UNC5D: variants seen among roughly 807,000 people sequenced by gnomAD.
UNC5D encodes the protein unc-5 netrin receptor D.
A neutral mutation model predicts 105.4 loss-of-function variants in UNC5D; 39 were observed. That is an observed-to-expected ratio of 0.37 (90% CI 0.29 to 0.48). The LOEUF (loss-of-function observed/expected upper bound fraction) is 0.48, where lower values mean the gene tolerates loss of function less well. UNC5D is among the 20% of genes least tolerant of loss of function. The pLI is 0.98. For missense variants in UNC5D, 991 were observed against 1,202.4 expected, an observed-to-expected ratio of 0.82 and a Z score of 2.60; for synonymous variants, 452 against 450.4, an observed-to-expected ratio of 1.00 and a Z score of -0.04.
chr8:35,393,704 A>C (rs1448101197), intron 1 of UNC5D, among the ~76,000 whole-genome samples: 1 of 152,154 alleles, frequency 6.6e-6, no homozygotes, highest in Non-Finnish European at 1.5e-5. Flanking sequence ...GTCCTACTTT[A>C]GGTATTGAAA....
intron 1 of UNC5D, among the ~76,000 whole-genome samples, chr8:35,425,154 G>A (rs1290337608): frequency 6.6e-6 from 1 of 152,128 alleles, no homozygotes; most frequent in African/African-American, 2.4e-5. Flanking sequence ...CCTGCACGTT[G>A]TGCACATGTA....
chr8:35,757,631 T>C (rs1830574122), intron 13 of UNC5D, among the ~76,000 whole-genome samples: 2 of 152,172 alleles, frequency 1.3e-5, no homozygotes, highest in South Asian at 4.1e-4. Flanking sequence ...TTCACAACAT[T>C]GTAAGTTTCC....
intron 1 of UNC5D, among the ~76,000 whole-genome samples, chr8:35,387,019 C>T (rs1803446242): frequency 6.6e-6 from 1 of 151,652 alleles, no homozygotes; most frequent in Admixed American, 6.6e-5. Context: ...AGGAATTCCC[C>T]CCCTGCTGTA....
intron 4 of UNC5D, among the ~76,000 whole-genome samples, chr8:35,633,605 A>G (rs1822181723): frequency 6.6e-6 from 1 of 152,118 alleles, no homozygotes; most frequent in Non-Finnish European, 1.5e-5. Flanking sequence ...TTTTTTTTAA[A>G]TTAGCAAGAC....
chr8:35,712,134 G>A (rs951863524), intron 8 of UNC5D, among the ~76,000 whole-genome samples: 4 of 152,110 alleles, frequency 2.6e-5, no homozygotes, highest in African/African-American at 9.7e-5. Context: ...AGCCAGGTGT[G>A]GTGGCAAGTG....
Position 35,235,832 on chromosome 8 carries a change from C to T in UNC5D, c.48C>T (p.Arg16=). Reference sequence around the variant, plus strand: ...CAGGCGGCGGCGGAGGGGCGCGCCGCTGGCTCCCGTGGCTGGGGCTGTGCT... The same window carrying T: ...CAGGCGGCGGCGGAGGGGCGCGCCGTTGGCTCCCGTGGCTGGGGCTGTGCT... ...ATAGGGGGAR[R]WLPWLGLCFW... is the part of the protein sequence containing the mutation. Residue 16 remains arginine (R), a synonymous_variant, in exon 1 of 17, where the codon CGC becomes CGT. Transcript: ENST00000404895. The T allele has an allele frequency of 8.1e-7, 1 of 1,230,442 alleles. No homozygotes were observed. The highest frequency in any genetic ancestry group is 1.0e-6 in the Non-Finnish European group (1 of 986,792). 76.2% of individuals were successfully genotyped at this position (1,230,442 alleles called of 1,614,324 possible).
chr8:35,773,500 AACAT>A (rs2131736608), intron 15 of UNC5D, among the ~76,000 whole-genome samples: 1 of 152,316 alleles, frequency 6.6e-6, no homozygotes, highest in South Asian at 2.1e-4. Context: ...AAAGGTAATC[AACAT>A]ACAATTATAC....
intron 4 of UNC5D, among the ~76,000 whole-genome samples, chr8:35,599,163 A>AAAT: frequency 6.6e-6 from 1 of 150,916 alleles, no homozygotes; most frequent in South Asian, 2.1e-4. Context: ...AAAAAAAAAA[A>AAAT]AAAAAAGCTG....
intron 1 of UNC5D, among the ~76,000 whole-genome samples, chr8:35,378,558 T>C (rs1401020056): frequency 6.6e-6 from 1 of 152,212 alleles, no homozygotes; most frequent in African/African-American, 2.4e-5. Context: ...TGATGTCTCC[T>C]GCCAGAGGTG....
intron 8 of UNC5D, among the ~76,000 whole-genome samples, chr8:35,718,906 C>A: frequency 6.6e-6 from 1 of 152,058 alleles, no homozygotes; most frequent in Non-Finnish European, 1.5e-5. Flanking sequence ...ATATCAATTA[C>A]AATTGCACTT....
At chr8:35,759,278 A>G (rs1830651735) in intron 13 of UNC5D, 42 bp from the exon 14 acceptor site, 2 of 1,605,528 alleles carry the variant, frequency 1.2e-6, no homozygotes, top group Admixed American at 3.4e-5. Context: ...AAGTAGCAGG[A>G]TATTTCATTA....
At chr8:35,547,285 CTTTTT>C (rs11363785) in intron 1 of UNC5D, among the ~76,000 whole-genome samples, 7 of 128,022 alleles carry the variant, frequency 5.5e-5, no homozygotes, top group Admixed American at 1.6e-4. Context: ...GAACATTACT[CTTTTT>C]TTTTTTTTTT....
Position 35,461,242 on chromosome 8 carries a change from T to C in UNC5D, c.104-88050T>C, listed in dbSNP as rs534200247. Among the ~76,000 whole-genome samples, 10 of 152,300 alleles carry C rather than the reference T, an allele frequency of 6.6e-5. No individual in the cohort carries two copies. In the South Asian group the frequency reaches 1.9e-3, roughly 28 times the overall value. ...GGGAACGGACATTTGATGAAGTTTA[T>C]TTGTTGAAAAGTTCATATCCATTGT... On this transcript the variant is annotated intron_variant, in intron 1 of 16. Transcript: ENST00000404895.
chr8:35,641,854 A>G lies in UNC5D; in HGVS notation c.571-41693A>G, dbSNP rs78996175. Among the ~76,000 whole-genome samples, 965 of 152,248 alleles carry G rather than the reference A, an allele frequency of 6.3e-3. 9 individuals are homozygous for G. Among genetic ancestry groups the G allele is most frequent in the African/African-American group, 0.021 (865 of 41,572 alleles). On this transcript the variant is annotated intron_variant, in intron 4 of 16. Coordinates refer to ENST00000404895, the MANE Select transcript of UNC5D (RefSeq NM_080872.4). ...TTGCAAGTGCTGTCTTAAGATTGTTATAATCCTAAATAAAAAGGGCTGGCA... is the reference window on the plus strand; with the variant it reads ...TTGCAAGTGCTGTCTTAAGATTGTTGTAATCCTAAATAAAAAGGGCTGGCA...
At chr8:35,242,212 T>G (rs1802846781) in intron 1 of UNC5D, among the ~76,000 whole-genome samples, 4 of 152,022 alleles carry the variant, frequency 2.6e-5, no homozygotes, top group Admixed American at 2.6e-4. Context: ...TGTAACCACG[T>G]GGGATTTGAA....
At chr8:35,329,618 A>G (rs1810453469) in intron 1 of UNC5D, among the ~76,000 whole-genome samples, 1 of 151,976 alleles carries the variant, frequency 6.6e-6, no homozygotes, top group Non-Finnish European at 1.5e-5. Flanking sequence ...CTTTCCATGT[A>G]TTAGGCCATG....
chr8:35,588,442 TCTGCCTC>T (rs1818940892), intron 3 of UNC5D, among the ~76,000 whole-genome samples: 1 of 152,216 alleles, frequency 6.6e-6, no homozygotes, highest in African/African-American at 2.4e-5. Flanking sequence ...TGTGAGATTC[TCTGCCTC>T]AGTTTAGATA....
chr8:35,661,634 G>A (rs1348186056), intron 4 of UNC5D, among the ~76,000 whole-genome samples: 2 of 152,110 alleles, frequency 1.3e-5, no homozygotes, highest in Non-Finnish European at 2.9e-5. Flanking sequence ...TGCATTACTG[G>A]GAAAGATGAA....
chr8:35,305,593 C>CTTTCTTTCTTTCT (rs1808306378), intron 1 of UNC5D, among the ~76,000 whole-genome samples: 89 of 142,052 alleles, frequency 6.3e-4, no homozygotes, highest in East Asian at 1.5e-3. Context: ...TTCTTTCTTT[C>CTTTCTTTCTTTCT]TTTCTTTCTT....
Sources: allele counts gnomAD v4.1 joint callset (sites outside exome capture counted in the v4.1 genomes callset), GRCh38; gene constraint gnomAD v4.1.1; transcripts MANE v1.5; gene names NCBI Gene and HGNC (gene_info 2026-07-23, HGNC 2026-07-21).